LANCL2: variants seen among roughly 807,000 people sequenced by gnomAD.
LANCL2 encodes the protein LanC like glutathione S-transferase 2.
LANCL2 carries 33 observed loss-of-function variants against 56.9 expected under a neutral mutation model. The observed-to-expected ratio is 0.58, with a 90% CI of 0.44 to 0.78. LANCL2 has a LOEUF of 0.78. Ranked by LOEUF, LANCL2 falls within the 30% of genes least tolerant of loss-of-function variation. The probability of loss-of-function intolerance (pLI) is 0.00; values close to 1 mark genes in which losing one functional copy is unlikely to be tolerated. For synonymous variants in LANCL2, 233 were observed against 228.2 expected (o/e 1.02, Z -0.19); for missense variants, 562 against 580.2 (o/e 0.97, Z 0.32).
intron 6 of LANCL2, among the ~76,000 whole-genome samples, chr7:55,416,168 G>A (rs531229238): frequency 6.6e-6 from 1 of 152,232 alleles, no homozygotes; most frequent in Admixed American, 6.5e-5. Flanking sequence ...TTATTTTGGT[G>A]GGTATTTCAT....
chr7:55,374,629 A>G (rs1414919664), intron 1 of LANCL2, among the ~76,000 whole-genome samples: 1 of 152,180 alleles, frequency 6.6e-6, no homozygotes, highest in Non-Finnish European at 1.5e-5. Context: ...TTGTTTGCAA[A>G]ATGGAACAAA....
At chr7:55,425,492 C>T (rs781029870) in intron 7 of LANCL2, 62 bp downstream of exon 7, 3 of 1,471,286 alleles carry the variant, frequency 2.0e-6, no homozygotes, top group Non-Finnish European at 2.8e-6. Context: ...AATCCAGAGT[C>T]CAGAAGTACA....
At chr7:55,370,575 T>G (rs923005357) in intron 1 of LANCL2, among the ~76,000 whole-genome samples, 3 of 152,170 alleles carry the variant, frequency 2.0e-5, no homozygotes, top group African/African-American at 7.2e-5. Flanking sequence ...AGTATTACAG[T>G]AAGTGACAAT....
In LANCL2 at chr7:55,398,305, C is replaced by T. The variant is rs142442263; in HGVS notation, c.323-118C>T. The stretch of plus-strand genomic sequence containing the variant: ...TATGAAATGTATTGTTTTGGTGTTA[C>T]CCGTTTGGAAACATAGATTTATGTA... On this transcript the variant is annotated intron_variant, in intron 2 of 8. Coordinates refer to ENST00000254770, the MANE Select transcript of LANCL2 (RefSeq NM_018697.4). 77 of 718,050 alleles carry T rather than the reference C, an allele frequency of 1.1e-4. No homozygotes were observed. The East Asian group carries it at 1.9e-3, about 18-fold the overall frequency. The allele number at this position is 718,050 out of a possible 1,614,324, so 44.5% of individuals were successfully genotyped here.
intron 6 of LANCL2, among the ~76,000 whole-genome samples, chr7:55,419,432 T>TG (rs1790582402): frequency 1.3e-5 from 2 of 150,528 alleles, no homozygotes; most frequent in Non-Finnish European, 3.0e-5. Flanking sequence ...GATAGAATCT[T>TG]GCTGTTTCTC....
chr7:55,387,023 T>G (rs1790133101), intron 1 of LANCL2, among the ~76,000 whole-genome samples: 1 of 152,146 alleles, frequency 6.6e-6, no homozygotes, highest in Admixed American at 6.6e-5. Flanking sequence ...ACTGATGAAC[T>G]CTAGAAGATA....
At chr7:55,404,869 C>G (rs1790387222) in intron 5 of LANCL2, among the ~76,000 whole-genome samples, 1 of 152,178 alleles carries the variant, frequency 6.6e-6, no homozygotes, top group Non-Finnish European at 1.5e-5. Context: ...CCACCTCAGC[C>G]TCCCAAAGTA....
At chr7:55,392,560 G>A (rs545607256) in intron 2 of LANCL2, among the ~76,000 whole-genome samples, 4 of 150,162 alleles carry the variant, frequency 2.7e-5, no homozygotes, top group East Asian at 2.0e-4. Flanking sequence ...TGTTGCTGAG[G>A]TTGGTCTCAA....
At chr7:55,372,333 T>G (rs1243482828) in intron 1 of LANCL2, among the ~76,000 whole-genome samples, 2 of 152,222 alleles carry the variant, frequency 1.3e-5, no homozygotes, top group Non-Finnish European at 2.9e-5. Flanking sequence ...TGTGTTTGAC[T>G]CCTACTTTTC....
Position 55,431,263 on chromosome 7 carries a change from G to T in LANCL2, c.1296G>T (p.Leu432=). Residue 432 remains leucine, a synonymous_variant, in exon 9 of 9, where the codon CTG becomes CTT. Coordinates refer to ENST00000254770, the MANE Select transcript of LANCL2 (RefSeq NM_018697.4). ...CTATTCACTTTCTCTCTGATGTCCT[G>T]GGACCAGAGACATCACGGTTTCCAG... ...AGAIHFLSDV[L]GPETSRFPAF... is the part of the protein sequence containing the mutation. The T allele has an allele frequency of 6.2e-7, 1 of 1,613,706 alleles. No homozygotes were observed. Among genetic ancestry groups the T allele is most frequent in the Non-Finnish European group, 8.5e-7 (1 of 1,179,864 alleles).
intron 8 of LANCL2, among the ~76,000 whole-genome samples, chr7:55,430,839 A>C (rs2128997094): frequency 6.6e-6 from 1 of 152,348 alleles, no homozygotes; most frequent in Admixed American, 6.5e-5. Flanking sequence ...GTTAAAAATA[A>C]CATTCTTCAA....
chr7:55,416,235 C>T (rs1790537799), intron 6 of LANCL2, among the ~76,000 whole-genome samples: 2 of 152,142 alleles, frequency 1.3e-5, no homozygotes, highest in African/African-American at 4.8e-5. Flanking sequence ...TGCATGTGCT[C>T]ATGGGCCAAT....
intron 7 of LANCL2, chr7:55,428,044 C>T: frequency 3.0e-6 from 1 of 329,182 alleles, no homozygotes; most frequent in Non-Finnish European, 5.8e-6. Context: ...CAGGATAGAG[C>T]AGGCGTTTCG....
In LANCL2 at chr7:55,412,042, T is replaced by TG; in HGVS notation, c.962dup (p.Cys321TrpfsTer19). The TG allele has an allele frequency of 6.2e-7, 1 of 1,614,176 alleles. No homozygotes were observed. Among genetic ancestry groups the TG allele is most frequent in the Admixed American group, 1.7e-5 (1 of 60,030 alleles). On this transcript the variant is annotated frameshift_variant, in exon 6 of 9. Coordinates refer to ENST00000254770, the MANE Select transcript of LANCL2 (RefSeq NM_018697.4). LOFTEE classifies it high-confidence loss of function. ...TGAAACAGACCGGCTGGTGCACTGG[T>TG]GCCACGGCGCCCCGGGGGTCATCCA...
intron 8 of LANCL2, among the ~76,000 whole-genome samples, chr7:55,429,099 C>G (rs1400372594): frequency 6.6e-6 from 1 of 152,224 alleles, no homozygotes; most frequent in Non-Finnish European, 1.5e-5. Flanking sequence ...CATCTCTATT[C>G]ATGAAGGATA....
Position 55,398,507 on chromosome 7 carries a change from C to T in LANCL2, c.407C>T (p.Thr136Ile), listed in dbSNP as rs1466336238. Reference sequence around the variant, plus strand: ...CGATCCCTGGATTACGTAAAAAGAACACTTCGGAATCTGAATGGCCGCAGG... The same window carrying T: ...CGATCCCTGGATTACGTAAAAAGAATACTTCGGAATCTGAATGGCCGCAGG... ...LLRSLDYVKRTLRNLNGRRVT... is the reference protein window; with the variant it reads ...LLRSLDYVKRILRNLNGRRVT... The change falls in exon 3 of 9, where the codon ACA becomes ATA. Residue 136 changes from threonine to isoleucine, a missense_variant. Physicochemically the swap from Thr to Ile is moderately conservative, Grantham distance 89. Transcript: ENST00000254770. The T allele has an allele frequency of 1.9e-6, 3 of 1,614,178 alleles. No homozygotes were observed. The highest frequency in any genetic ancestry group is 2.5e-6 in the Non-Finnish European group (3 of 1,180,030).
intron 2 of LANCL2, 116 bp from the exon 3 acceptor site, chr7:55,398,307 C>T (rs1790279673): frequency 5.5e-6 from 4 of 732,508 alleles, no homozygotes; most frequent in Middle Eastern, 2.6e-4. Flanking sequence ...TGGTGTTACC[C>T]GTTTGGAAAC....
intron 6 of LANCL2, among the ~76,000 whole-genome samples, chr7:55,416,550 G>A (rs1583763035): frequency 6.6e-6 from 1 of 152,188 alleles, no homozygotes; most frequent in African/African-American, 2.4e-5. Context: ...CAAAGTGCTG[G>A]AATTATAGGT....
intron 1 of LANCL2, among the ~76,000 whole-genome samples, chr7:55,383,872 C>G (rs1386245853): frequency 6.6e-6 from 1 of 152,116 alleles, no homozygotes; most frequent in African/African-American, 2.4e-5. Flanking sequence ...ATAAATTCCT[C>G]TCAAAGTTAA....
Sources: allele counts gnomAD v4.1 joint callset (sites outside exome capture counted in the v4.1 genomes callset), GRCh38; gene constraint gnomAD v4.1.1; transcripts MANE v1.5; gene names NCBI Gene and HGNC (gene_info 2026-07-23, HGNC 2026-07-21).